The following DENND1A variants were observed in gnomAD, a reference collection of about 807,000 sequenced individuals.
DENND1A encodes the protein DENN domain-containing protein 1A.
A neutral mutation model predicts 113.7 loss-of-function variants in DENND1A; 51 were observed. That is an observed-to-expected ratio of 0.45 (90% CI 0.36 to 0.57). The LOEUF (loss-of-function observed/expected upper bound fraction) is 0.57, where lower values mean the gene tolerates loss of function less well. Ranked by LOEUF, DENND1A falls within the 20% of genes least tolerant of loss-of-function variation. The pLI is 0.00. For missense variants in DENND1A, 1,258 were observed against 1,395.9 expected (o/e 0.90, Z 1.57); for synonymous variants, 565 against 570.8 (o/e 0.99, Z 0.14).
chr9:123,632,241 G>C (rs754907835), intron 9 of DENND1A, among the ~76,000 whole-genome samples: 3 of 151,898 alleles, frequency 2.0e-5, no homozygotes, highest in Non-Finnish European at 4.4e-5. Flanking sequence ...CTTGAGCCAG[G>C]TCCATGCCAT....
At chr9:123,749,817 CCCTGTACTAAG>C (rs1177382954) in intron 5 of DENND1A, among the ~76,000 whole-genome samples, 1 of 152,146 alleles carries the variant, frequency 6.6e-6, no homozygotes, top group Non-Finnish European at 1.5e-5. Context: ...TCACTTCCTG[CCCTGTACTAAG>C]CTTCATGAGG....
chr9:123,677,757 G>A (rs1424256797), intron 5 of DENND1A, among the ~76,000 whole-genome samples: 1 of 152,146 alleles, frequency 6.6e-6, no homozygotes, highest in East Asian at 1.9e-4. Context: ...TTTCTAAAAT[G>A]CAAATCTCCA....
At chr9:123,691,540 A>AT (rs59588397) in intron 5 of DENND1A, among the ~76,000 whole-genome samples, 16,121 of 140,748 alleles carry the variant, frequency 0.11, 1,543 homozygotes, top group African/African-American at 0.26. Flanking sequence ...TCTTTGTGTG[A>AT]TTTTTTTTTT....
intron 13 of DENND1A, among the ~76,000 whole-genome samples, chr9:123,482,678 T>G (rs542673941): frequency 6.6e-6 from 1 of 152,318 alleles, no homozygotes; most frequent in South Asian, 2.1e-4. Flanking sequence ...AATTACCCCC[T>G]GGGACAATGG....
intron 18 of DENND1A, among the ~76,000 whole-genome samples, 170 bp downstream of exon 18, chr9:123,450,523 T>G (rs1164816670): frequency 1.3e-5 from 2 of 152,236 alleles, no homozygotes; most frequent in Non-Finnish European, 2.9e-5. Context: ...GACAGTTTTT[T>G]GTCTGTGAAT....
intron 5 of DENND1A, among the ~76,000 whole-genome samples, chr9:123,730,513 C>A (rs1202148218): frequency 6.6e-6 from 1 of 152,178 alleles, no homozygotes; most frequent in Non-Finnish European, 1.5e-5. Context: ...AAAAGCTCAA[C>A]ATCACTGGCC....
intron 1 of DENND1A, among the ~76,000 whole-genome samples, chr9:123,919,002 G>A (rs544936008): frequency 6.6e-6 from 1 of 152,172 alleles, no homozygotes; most frequent in East Asian, 1.9e-4. Context: ...GGATGCAACG[G>A]AAATCATATA....
At position 123,665,789 on chromosome 9, in the gene DENND1A, A is replaced by C. The variant is rs193102778; in HGVS notation, c.507+1237T>G. Among the ~76,000 whole-genome samples the C allele has an allele frequency of 7.9e-5, 12 of 152,342 alleles. No individual in the cohort carries two copies. In the East Asian group the frequency reaches 2.3e-3, roughly 29 times the overall value. On this transcript the variant is annotated intron_variant, in intron 8 of 23. Coordinates refer to ENST00000394215, the MANE Select transcript of DENND1A (RefSeq NM_001352964.2). ...TGATAATAGCCAAAGGGTAAAAACA[A>C]TATCTATTGATCTCAGCATCTATCA...
chr9:123,681,061 C>T (rs2064418150), intron 5 of DENND1A, among the ~76,000 whole-genome samples: 1 of 151,958 alleles, frequency 6.6e-6, no homozygotes, highest in Non-Finnish European at 1.5e-5. Flanking sequence ...GGGGCCCAAG[C>T]AGAGTGAGGG....
chr9:123,538,994 C>T (rs1377035022), intron 13 of DENND1A, among the ~76,000 whole-genome samples: 6 of 151,216 alleles, frequency 4.0e-5, no homozygotes, highest in South Asian at 2.1e-4. Flanking sequence ...TGTATGAACG[C>T]TAACACTGAG....
Position 123,381,410 on chromosome 9 carries a change from T to TC in DENND1A, c.*21dup. On this transcript the variant is annotated 3_prime_UTR_variant, in exon 24 of 24. Coordinates refer to ENST00000394215, the MANE Select transcript of DENND1A (RefSeq NM_001352964.2). This position sits in a 1 kb window ranked among gnomAD's most constrained non-coding sequence, Gnocchi z 4.7. ...GGACGGACCCTCGGGCCTCGGTGCA[T>TC]CCCCCACCCTCAGGGCCCGGCTCAC... The TC allele has an allele frequency of 6.2e-7, 1 of 1,608,568 alleles. No individual in the cohort carries two copies.
At chr9:123,752,694 C>T (rs1431819825) in intron 5 of DENND1A, among the ~76,000 whole-genome samples, 20 of 152,100 alleles carry the variant, frequency 1.3e-4, no homozygotes, top group Admixed American at 1.1e-3. Context: ...GGAGTATGTG[C>T]CATTGGGGCA....
At chr9:123,636,369 T>A (rs969585439) in intron 9 of DENND1A, among the ~76,000 whole-genome samples, 2 of 151,316 alleles carry the variant, frequency 1.3e-5, no homozygotes, top group Admixed American at 1.3e-4. Flanking sequence ...CAGACTGGAG[T>A]GCAGTGGTGG....
At chr9:123,595,144 C>T (rs922765015) in intron 11 of DENND1A, among the ~76,000 whole-genome samples, 6 of 152,158 alleles carry the variant, frequency 3.9e-5, no homozygotes, top group African/African-American at 7.2e-5. Flanking sequence ...CTGAAAACAC[C>T]GCTGGAATTT....
At chr9:123,609,827 A>T (rs1358672871) in intron 10 of DENND1A, among the ~76,000 whole-genome samples, 4 of 152,198 alleles carry the variant, frequency 2.6e-5, no homozygotes, top group African/African-American at 9.7e-5. Context: ...ATCAAAGAAA[A>T]TATACGTTAA....
intron 1 of DENND1A, among the ~76,000 whole-genome samples, chr9:123,897,603 G>GGGCA (rs1360027996): frequency 6.6e-6 from 1 of 152,200 alleles, no homozygotes; most frequent in Non-Finnish European, 1.5e-5. Flanking sequence ...TGGCAAGAGA[G>GGGCA]GGCAGTTCAA....
At chr9:123,753,451 A>C (rs1235045224) in intron 5 of DENND1A, among the ~76,000 whole-genome samples, 3 of 152,266 alleles carry the variant, frequency 2.0e-5, no homozygotes, top group Non-Finnish European at 4.4e-5. Flanking sequence ...CAAAATGTCT[A>C]TCACTCAATA....
At chr9:123,655,208 T>C (rs1042058588) in intron 8 of DENND1A, among the ~76,000 whole-genome samples, 2 of 152,196 alleles carry the variant, frequency 1.3e-5, no homozygotes, top group African/African-American at 4.8e-5. Flanking sequence ...GTCCCCATCT[T>C]ACAGTAACTC....
chr9:123,555,841 A>G (rs1370804315), intron 13 of DENND1A, among the ~76,000 whole-genome samples: 2 of 152,178 alleles, frequency 1.3e-5, no homozygotes, highest in African/African-American at 4.8e-5. Context: ...TATGTCCCGA[A>G]CTTCAGCTGC....
Sources: gnomAD v4.1 joint callset for allele counts (sites outside exome capture counted in the v4.1 genomes callset) on GRCh38, gnomAD v4.1.1 for gene constraint, Gnocchi (gnomAD v3.1) non-coding constraint, MANE v1.5 for transcripts, NCBI Gene and HGNC (gene_info 2026-07-23, HGNC 2026-07-21) for gene names.